The following FAM149B1 variants were observed in gnomAD, a reference collection of about 807,000 sequenced individuals.
FAM149B1 encodes family with sequence similarity 149 member B1.
FAM149B1 carries 56 observed loss-of-function variants against 75.3 expected under a neutral mutation model. The observed-to-expected ratio is 0.74, with a 90% CI of 0.60 to 0.93. FAM149B1 has a LOEUF of 0.93. Ranked by LOEUF, FAM149B1 falls within the 40% of genes least tolerant of loss-of-function variation. The probability of loss-of-function intolerance (pLI) is 0.00; values close to 1 mark genes in which losing one functional copy is unlikely to be tolerated. For missense variants in FAM149B1, 639 were observed against 708.4 expected (o/e 0.90, Z 1.11); for synonymous variants, 259 against 256.1 (o/e 1.01, Z -0.11).
chr10:73,191,161 C>T (rs924943013), intron 3 of FAM149B1, among the ~76,000 whole-genome samples: 5 of 151,940 alleles, frequency 3.3e-5, no homozygotes, highest in Non-Finnish European at 7.4e-5. Context: ...CTGCCTCAGC[C>T]TCCCAAGTAG....
At position 73,177,848 on chromosome 10, in the gene FAM149B1, A is replaced by C; in HGVS notation, c.155A>C (p.Lys52Thr). ...SHEKDTSSQS[K>T]SDITRESSFT... ...CTCCTCCCAAATTGTGCCTTTAGCA[A>C]GTCTGACATCACAAGAGAATCATCT... Residue 52 changes from lysine to threonine, a missense_variant and splice_region_variant, in exon 3 of 14, where the codon AAG becomes ACG. By Grantham distance (78) the Lys-to-Thr change is moderately conservative. Transcript: ENST00000242505. 3.9e-6 allele frequency: 6 copies of C among 1,550,992 alleles called. No individual in the cohort carries two copies. The highest frequency in any genetic ancestry group is 5.2e-6 in the Non-Finnish European group (6 of 1,146,764).
chr10:73,230,466 T>G lies in FAM149B1; in HGVS notation c.1068T>G (p.Asp356Glu), dbSNP rs554018296. ...QASRHQPNVNDLLVHGMPLQP... is the reference protein window; with the variant it reads ...QASRHQPNVNELLVHGMPLQP... ...GCAGACATCAGCCAAATGTGAATGATCTCTTGGTTCATGGAATGCCTCTAC... is the reference window on the plus strand; with the variant it reads ...GCAGACATCAGCCAAATGTGAATGAGCTCTTGGTTCATGGAATGCCTCTAC... Residue 356 changes from aspartate to glutamate, a missense_variant, in exon 9 of 14, where the codon GAT becomes GAG. Physicochemically the swap from Asp to Glu is conservative, Grantham distance 45. Coordinates refer to ENST00000242505, the MANE Select transcript of FAM149B1 (RefSeq NM_173348.2). 3.9e-5 allele frequency: 61 copies of G among 1,550,738 alleles called. No homozygotes were observed. The African/African-American group carries it at 7.4e-4, about 19-fold the overall frequency.
chr10:73,189,198 A>AGT (rs1310306433), intron 3 of FAM149B1, among the ~76,000 whole-genome samples: 49 of 152,276 alleles, frequency 3.2e-4, no homozygotes, highest in Non-Finnish European at 6.5e-4. Flanking sequence ...AGATAACACC[A>AGT]CTCCACATTT....
At position 73,242,208 on chromosome 10, in the gene FAM149B1, C is replaced by T. The variant is rs1026426554; in HGVS notation, c.*1189C>T. ...TTGTAGTCACAAACCGAAAACGTGTCGTCTTTACCTTAGAGCTAAAGGCTT... is the reference window on the plus strand; with the variant it reads ...TTGTAGTCACAAACCGAAAACGTGTTGTCTTTACCTTAGAGCTAAAGGCTT... On this transcript the variant is annotated 3_prime_UTR_variant, in exon 14 of 14. Coordinates refer to ENST00000242505, the MANE Select transcript of FAM149B1 (RefSeq NM_173348.2). 3.3e-5 allele frequency: 5 copies of T among 152,102 alleles called. No individual in the cohort carries two copies. Among genetic ancestry groups the T allele is most frequent in the African/African-American group, 4.8e-5 (2 of 41,404 alleles). 9.4% of individuals were successfully genotyped at this position (152,102 alleles called of 1,614,324 possible). A position where few individuals can be genotyped will look rare whatever the true frequency, so the allele number is the denominator to read the frequency against.
At position 73,228,174 on chromosome 10, in the gene FAM149B1, C is replaced by T. The variant is rs2043600105; in HGVS notation, c.1013C>T (p.Thr338Ile). ...CCACAGTCTAAGGTGCTGTACATTA[C>T]CTCAAATCCGGTAAGCCCCAGAGGG... ...RVPQSKVLYI[T>I]SNPMSLCQAS... The change falls in exon 8 of 14, where the codon ACC becomes ATC. Residue 338 changes from threonine to isoleucine, a missense_variant. Coordinates refer to ENST00000242505, the MANE Select transcript of FAM149B1 (RefSeq NM_173348.2). The T allele has an allele frequency of 6.4e-7, 1 of 1,551,598 alleles. No individual in the cohort carries two copies. The highest frequency in any genetic ancestry group is 1.4e-5 in the African/African-American group (1 of 73,138).
At chr10:73,179,544 G>C (rs2042348010) in intron 3 of FAM149B1, among the ~76,000 whole-genome samples, 1 of 151,420 alleles carries the variant, frequency 6.6e-6, no homozygotes, top group Non-Finnish European at 1.5e-5. Flanking sequence ...CTCCTGAGTA[G>C]CTGGGACCAC....
At chr10:73,233,552 C>T (rs1190286823) in intron 10 of FAM149B1, among the ~76,000 whole-genome samples, 3 of 152,054 alleles carry the variant, frequency 2.0e-5, no homozygotes, top group Non-Finnish European at 4.4e-5. Context: ...TCATGTTGCC[C>T]AGGCTGGTTT....
intron 7 of FAM149B1, among the ~76,000 whole-genome samples, chr10:73,217,979 G>A (rs182724853): frequency 1.4e-3 from 208 of 152,264 alleles, no homozygotes; most frequent in Non-Finnish European, 2.4e-3. Flanking sequence ...TCCTGGTGTG[G>A]ATGATGTTCC....
chr10:73,229,562 A>G (rs558751965), intron 8 of FAM149B1, among the ~76,000 whole-genome samples: 2 of 152,294 alleles, frequency 1.3e-5, no homozygotes, highest in Admixed American at 6.5e-5. Flanking sequence ...GTGACAGAGC[A>G]AGACTCCGTC....
At chr10:73,230,782 G>A (rs2043674718) in intron 9 of FAM149B1, 2 of 354,096 alleles carry the variant, frequency 5.6e-6, no homozygotes, top group Non-Finnish European at 1.1e-5. Context: ...GTGCTGTCCA[G>A]AATGAGTGCT....
At chr10:73,182,841 C>T (rs78537329) in intron 3 of FAM149B1, among the ~76,000 whole-genome samples, 8,367 of 152,238 alleles carry the variant, frequency 0.055, 721 homozygotes, top group African/African-American at 0.18. Flanking sequence ...AGAGATAATA[C>T]ATGATTATTG....
At position 73,229,369 on chromosome 10, in the gene FAM149B1, G is replaced by C. The variant is rs551970882; in HGVS notation, c.1024-1053G>C. ...GTGGGTGGGTCATTTGAGGCCAGGAGTTCAAGACCAGCCTGGCCAATTTGG... is the reference window on the plus strand; with the variant it reads ...GTGGGTGGGTCATTTGAGGCCAGGACTTCAAGACCAGCCTGGCCAATTTGG... On this transcript the variant is annotated intron_variant, in intron 8 of 13. Transcript: ENST00000242505. 1.3e-4 allele frequency among the ~76,000 whole-genome samples: 20 copies of C among 152,318 alleles called. No homozygotes were observed. The South Asian group carries it at 3.9e-3, about 30-fold the overall frequency.
At chr10:73,205,640 G>A (rs756261752) in intron 5 of FAM149B1, among the ~76,000 whole-genome samples, 1 of 151,992 alleles carries the variant, frequency 6.6e-6, no homozygotes, top group Non-Finnish European at 1.5e-5. Flanking sequence ...CACAACCTCC[G>A]CCTCCCGGAT....
intron 7 of FAM149B1, among the ~76,000 whole-genome samples, chr10:73,217,666 G>C (rs1273482917): frequency 6.6e-6 from 1 of 152,172 alleles, no homozygotes; most frequent in Non-Finnish European, 1.5e-5. Context: ...GGACTAACAA[G>C]ACAAAAGCCT....
intron 12 of FAM149B1, chr10:73,239,084 T>TAATAATATTGAAGAATCTGC (rs2043886970): frequency 4.2e-6 from 2 of 470,604 alleles, no homozygotes; most frequent in Non-Finnish European, 7.6e-6. Flanking sequence ...AACGGCATAG[T>TAATAATATTGAAGAATCTGC]AATAATATTG....
At chr10:73,225,700 AC>A (rs2043525504) in intron 7 of FAM149B1, among the ~76,000 whole-genome samples, 2 of 152,230 alleles carry the variant, frequency 1.3e-5, no homozygotes, top group Non-Finnish European at 2.9e-5. Context: ...ACATTCACTC[AC>A]CACTCACTCA....
In FAM149B1 at chr10:73,208,508, G is replaced by A. The variant is rs116836153; in HGVS notation, c.543-111G>A. ...GTTATTGAGGCTTAGAATAGTCCAC[G>A]AAGGTATTGCCAGGGCAAGGGGAGT... On this transcript the variant is annotated intron_variant, in intron 5 of 13. Transcript: ENST00000242505. The A allele has an allele frequency of 2.5e-3, 1,619 of 637,874 alleles. 20 individuals are homozygous for A. The African/African-American group carries it at 0.027, about 11-fold the overall frequency. 39.5% of individuals were successfully genotyped at this position (637,874 alleles called of 1,614,324 possible).
At position 73,243,348 on chromosome 10, in the gene FAM149B1, G is replaced by A. The variant is rs1359300095; in HGVS notation, c.*2329G>A. ...TGCCTTCAAATCCTGCCTGCACCTT[G>A]CCTACGATGGCATCAATTTACACCT... On this transcript the variant is annotated 3_prime_UTR_variant, in exon 14 of 14. Transcript: ENST00000242505. 6.2e-6 allele frequency: 10 copies of A among 1,603,276 alleles called. No homozygotes were observed. In the African/African-American group the frequency reaches 1.1e-4, roughly 17 times the overall value.
chr10:73,179,618 G>T (rs538666970), intron 3 of FAM149B1, among the ~76,000 whole-genome samples: 2 of 151,166 alleles, frequency 1.3e-5, no homozygotes, highest in Non-Finnish European at 3.0e-5. Context: ...GGAACTCCTG[G>T]CCTCAAGCAA....
Sources: allele counts gnomAD v4.1 joint callset (sites outside exome capture counted in the v4.1 genomes callset), GRCh38; gene constraint gnomAD v4.1.1; transcripts MANE v1.5; gene names NCBI Gene and HGNC (gene_info 2026-07-23, HGNC 2026-07-21).